Variants in GPC5 observed in about 807,000 individuals in gnomAD.
GPC5 encodes the protein glypican 5.
A neutral mutation model predicts 53.9 loss-of-function variants in GPC5; 47 were observed. The observed-to-expected ratio is 0.87, with a 90% CI of 0.69 to 1.11. The LOEUF (loss-of-function observed/expected upper bound fraction) is 1.11. GPC5 is among the 50% of genes most tolerant of loss of function. The pLI is 0.00. For synonymous variants in GPC5, 286 were observed against 263.3 expected (o/e 1.09, Z -0.84); for missense variants, 748 against 713.1 (o/e 1.05, Z -0.56).
intron 1 of GPC5, among the ~76,000 whole-genome samples, chr13:91,435,198 G>T (rs568478570): frequency 6.6e-6 from 1 of 152,232 alleles, no homozygotes; most frequent in South Asian, 2.1e-4. Flanking sequence ...CTGCCTGATT[G>T]CCCTGGCCAG....
intron 6 of GPC5, among the ~76,000 whole-genome samples, chr13:92,067,851 C>T (rs1160293767): frequency 1.3e-5 from 2 of 151,836 alleles, no homozygotes; most frequent in Non-Finnish European, 2.9e-5. Flanking sequence ...AGTATAAAAG[C>T]ACATATAAGG....
intron 2 of GPC5, among the ~76,000 whole-genome samples, chr13:91,472,782 C>G (rs766398301): frequency 8.5e-5 from 13 of 152,176 alleles, no homozygotes; most frequent in Non-Finnish European, 1.6e-4. Flanking sequence ...TGCCTTCGTA[C>G]TTGATCCCAT....
intron 5 of GPC5, among the ~76,000 whole-genome samples, chr13:91,891,244 TAAG>T (rs1172222505): frequency 1.3e-5 from 2 of 152,160 alleles, no homozygotes; most frequent in Non-Finnish European, 2.9e-5. Context: ...ATTGATCACA[TAAG>T]AATCTCATAT....
chr13:92,589,474 G>A (rs1479892606), intron 7 of GPC5, among the ~76,000 whole-genome samples: 1 of 152,016 alleles, frequency 6.6e-6, no homozygotes, highest in Non-Finnish European at 1.5e-5. Flanking sequence ...GCCCCATTAT[G>A]CCCAACATTT....
chr13:92,658,924 G>GTTTTTTTTTTTTTTT (rs71123426), intron 7 of GPC5: 4 of 85,594 alleles, frequency 4.7e-5, no homozygotes, highest in Non-Finnish European at 4.3e-5. Flanking sequence ...TATATGTTTT[G>GTTTTTTTTTTTTTTT]TTTTTTTTTT....
At chr13:92,283,903 G>C (rs1324815005) in intron 7 of GPC5, among the ~76,000 whole-genome samples, 1 of 152,158 alleles carries the variant, frequency 6.6e-6, no homozygotes, top group Non-Finnish European at 1.5e-5. Context: ...GAGCAGAACT[G>C]AAGGAGATAG....
intron 6 of GPC5, among the ~76,000 whole-genome samples, chr13:91,929,656 G>A (rs1355612745): frequency 6.6e-6 from 1 of 152,002 alleles, no homozygotes; most frequent in Non-Finnish European, 1.5e-5. Context: ...TGCTACCTGT[G>A]TTTGGTTGTC....
intron 7 of GPC5, among the ~76,000 whole-genome samples, chr13:92,519,415 T>G (rs895998960): frequency 7.2e-5 from 11 of 152,142 alleles, no homozygotes; most frequent in East Asian, 5.8e-4. Flanking sequence ...GAACAGAAAT[T>G]ATAACAAACT....
intron 7 of GPC5, among the ~76,000 whole-genome samples, chr13:92,575,921 A>G (rs1194275073): frequency 6.6e-6 from 1 of 152,188 alleles, no homozygotes; most frequent in East Asian, 1.9e-4. Context: ...TAGAGTATGC[A>G]TTCCGCAGAT....
chr13:92,510,527 T>A (rs1358921272), intron 7 of GPC5, among the ~76,000 whole-genome samples: 2 of 152,208 alleles, frequency 1.3e-5, no homozygotes, highest in Non-Finnish European at 2.9e-5. Flanking sequence ...ACAGTATTAT[T>A]CATTCAATTG....
chr13:92,589,732 T>C (rs1408136017), intron 7 of GPC5, among the ~76,000 whole-genome samples: 1 of 152,230 alleles, frequency 6.6e-6, no homozygotes, highest in African/African-American at 2.4e-5. Context: ...TTTACTTGTA[T>C]AAAATTAGTT....
chr13:92,667,541 G>T (rs1435241977), intron 7 of GPC5, among the ~76,000 whole-genome samples: 6 of 152,066 alleles, frequency 3.9e-5, no homozygotes, highest in Non-Finnish European at 8.8e-5. Flanking sequence ...TGAAATTGAG[G>T]TTTTCTGTGT....
At chr13:92,463,776 C>G (rs1878585073) in intron 7 of GPC5, among the ~76,000 whole-genome samples, 1 of 152,104 alleles carries the variant, frequency 6.6e-6, no homozygotes, top group Non-Finnish European at 1.5e-5. Flanking sequence ...AGTTGTGAGA[C>G]ACAAAGCTTT....
At chr13:91,451,280 T>C (rs1177536320) in intron 2 of GPC5, among the ~76,000 whole-genome samples, 1 of 152,206 alleles carries the variant, frequency 6.6e-6, no homozygotes, top group East Asian at 1.9e-4. Flanking sequence ...CCGAGTTATA[T>C]TGTAGGTTAT....
At chr13:91,884,216 C>T (rs1162412696) in intron 5 of GPC5, among the ~76,000 whole-genome samples, 1 of 152,134 alleles carries the variant, frequency 6.6e-6, no homozygotes. Context: ...AAAAAGAGAA[C>T]TACCATTCCA....
chr13:92,370,425 A>G lies in GPC5; in HGVS notation c.1561+225436A>G, dbSNP rs553822283. Among the ~76,000 whole-genome samples the G allele has an allele frequency of 5.9e-5, 9 of 152,302 alleles. 1 individual carries two copies. The highest frequency in any genetic ancestry group is 2.2e-4 in the African/African-American group (9 of 41,574). On this transcript the variant is annotated intron_variant, in intron 7 of 7. Transcript: ENST00000377067. ...GATAAGCAAGCCTATTATGTCAGCA[A>G]AATTGATGATTCCTTAATATGGGCT...
chr13:91,860,487 TTC>T (rs2039015095), intron 5 of GPC5, among the ~76,000 whole-genome samples: 2 of 144,506 alleles, frequency 1.4e-5, no homozygotes, highest in Non-Finnish European at 3.0e-5. Flanking sequence ...CCTTCCTTCC[TTC>T]CTCTTTCTTT....
At chr13:91,992,315 A>G (rs2040464295) in intron 6 of GPC5, among the ~76,000 whole-genome samples, 1 of 152,152 alleles carries the variant, frequency 6.6e-6, no homozygotes, top group Non-Finnish European at 1.5e-5. Context: ...TTATAGGTGC[A>G]AGCCACCATG....
chr13:92,229,767 A>G (rs1052916280), intron 7 of GPC5, among the ~76,000 whole-genome samples: 4 of 152,054 alleles, frequency 2.6e-5, no homozygotes, highest in African/African-American at 9.7e-5. Flanking sequence ...TTAATATATA[A>G]TAAAATATTA....
Sources: gnomAD v4.1 joint callset for allele counts (sites outside exome capture counted in the v4.1 genomes callset) on GRCh38, gnomAD v4.1.1 for gene constraint, MANE v1.5 for transcripts, NCBI Gene and HGNC (gene_info 2026-07-23, HGNC 2026-07-21) for gene names.